Variants in IL1RAPL2 observed in about 807,000 individuals in gnomAD.
The protein encoded by IL1RAPL2 is interleukin 1 receptor accessory protein like 2.
A neutral mutation model predicts 44.1 loss-of-function variants in IL1RAPL2; 3 were observed. That is an observed-to-expected ratio of 0.07 (90% CI 0.03 to 0.18). IL1RAPL2 has a LOEUF of 0.18. IL1RAPL2 is among the 10% of genes least tolerant of loss of function. IL1RAPL2 has a pLI of 1.00. For missense variants in IL1RAPL2, 391 were observed against 496.4 expected (o/e 0.79, Z 2.02); for synonymous variants, 181 against 178.8 (o/e 1.01, Z -0.10).
At chrX:104,954,659 C>G (rs1038044230) in intron 2 of IL1RAPL2, among the ~76,000 whole-genome samples, 8 of 111,949 alleles carry the variant, frequency 7.1e-5, no homozygotes, top group African/African-American at 2.0e-4. Context: ...GCTTCAGCCT[C>G]GCAAGTAGCT....
chrX:104,769,299 A>C (rs1932605446), intron 2 of IL1RAPL2, among the ~76,000 whole-genome samples: 1 of 111,566 alleles, frequency 9.0e-6, no homozygotes, highest in Non-Finnish European at 1.9e-5. Context: ...TGAAGATGAC[A>C]CTGGCCATTG....
At chrX:105,135,816 G>T (rs2033071940) in intron 2 of IL1RAPL2, among the ~76,000 whole-genome samples, 1 of 107,017 alleles carries the variant, frequency 9.3e-6, no homozygotes. Flanking sequence ...ATCCCCCAAA[G>T]ACAACTGCCT....
At chrX:105,389,489 G>A (rs1205116045) in intron 5 of IL1RAPL2, among the ~76,000 whole-genome samples, 1 of 112,056 alleles carries the variant, frequency 8.9e-6, no homozygotes, top group East Asian at 2.8e-4. Flanking sequence ...GTTAGGAGTT[G>A]TGAATGTTTT....
chrX:104,910,255 G>A (rs1010063148), intron 2 of IL1RAPL2, among the ~76,000 whole-genome samples: 2 of 111,796 alleles, frequency 1.8e-5, no homozygotes, highest in Non-Finnish European at 3.8e-5. Flanking sequence ...CCACTGTCTG[G>A]CACTCTCTTG....
chrX:104,895,148 C>G (rs780036377), intron 2 of IL1RAPL2, among the ~76,000 whole-genome samples: 64 of 77,062 alleles, frequency 8.3e-4, no homozygotes, highest in Non-Finnish European at 1.3e-3. Flanking sequence ...CCTCTGGAAG[C>G]TTCATCTCAG....
At chrX:105,435,156 C>G (rs1028964816) in intron 5 of IL1RAPL2, among the ~76,000 whole-genome samples, 16 of 111,619 alleles carry the variant, frequency 1.4e-4, no homozygotes, top group Non-Finnish European at 2.6e-4. Context: ...GATGCTCCAG[C>G]TTTGTTCTTT....
chrX:105,659,823 A>G (rs1417451456), intron 6 of IL1RAPL2, among the ~76,000 whole-genome samples: 1 of 109,918 alleles, frequency 9.1e-6, no homozygotes, highest in Non-Finnish European at 1.9e-5. Flanking sequence ...TCGAAAATAA[A>G]TACTCAAAGG....
intron 2 of IL1RAPL2, among the ~76,000 whole-genome samples, chrX:104,827,709 C>T (rs1399837243): frequency 8.9e-6 from 1 of 111,911 alleles, no homozygotes; most frequent in African/African-American, 3.2e-5. Context: ...GGATAATATC[C>T]TGAAGTGTGT....
chrX:105,704,468 T>C (rs2038146294), intron 6 of IL1RAPL2, among the ~76,000 whole-genome samples: 2 of 111,664 alleles, frequency 1.8e-5, no homozygotes, highest in African/African-American at 6.5e-5. Context: ...TCAAGCAAAT[T>C]GCTTATATTT....
intron 2 of IL1RAPL2, among the ~76,000 whole-genome samples, chrX:104,823,806 C>G (rs1233575106): frequency 1.8e-5 from 2 of 112,099 alleles, no homozygotes; most frequent in Non-Finnish European, 3.8e-5. Context: ...ATGGTGTTTT[C>G]TAAATATACA....
chrX:104,786,970 TCTCTCTCTCTCTC>T (rs1932802509), intron 2 of IL1RAPL2, among the ~76,000 whole-genome samples: 2 of 73,594 alleles, frequency 2.7e-5, no homozygotes, highest in Non-Finnish European at 5.6e-5. Context: ...TCTCTCTCTC[TCTCTCTCTCTCTC>T]GTATCCCTAT....
chrX:104,844,299 AG>A (rs1372257375), intron 2 of IL1RAPL2, among the ~76,000 whole-genome samples: 1 of 111,675 alleles, frequency 9.0e-6, no homozygotes, highest in Non-Finnish European at 1.9e-5. Context: ...ATAATCAATT[AG>A]GTCAACCTTT....
intron 6 of IL1RAPL2, among the ~76,000 whole-genome samples, chrX:105,566,887 G>C (rs947627732): frequency 2.7e-5 from 3 of 110,262 alleles, no homozygotes; most frequent in African/African-American, 9.9e-5. Context: ...GAAGGGAGGG[G>C]CCAGGATTAG....
intron 2 of IL1RAPL2, among the ~76,000 whole-genome samples, chrX:104,720,126 C>T (rs1376842218): frequency 9.0e-6 from 1 of 111,723 alleles, no homozygotes; most frequent in Non-Finnish European, 1.9e-5. Flanking sequence ...TTCCATTATG[C>T]TATGCTTATT....
intron 6 of IL1RAPL2, among the ~76,000 whole-genome samples, chrX:105,515,512 T>TA (rs199929314): frequency 7.3e-4 from 79 of 107,861 alleles, no homozygotes; most frequent in African/African-American, 2.3e-3. Context: ...ACTTAGACCT[T>TA]AAAAAAAAAA....
intron 2 of IL1RAPL2, among the ~76,000 whole-genome samples, chrX:105,022,901 G>C (rs1199477965): frequency 2.7e-5 from 3 of 110,852 alleles, no homozygotes; most frequent in Non-Finnish European, 5.7e-5. Flanking sequence ...GTTTAAGATC[G>C]GAAGATTCTA....
intron 6 of IL1RAPL2, among the ~76,000 whole-genome samples, chrX:105,643,831 C>T (rs2037585632): frequency 8.9e-6 from 1 of 112,147 alleles, no homozygotes; most frequent in South Asian, 3.7e-4. Context: ...TTGTCTGTCT[C>T]ATATTGACAT....
chrX:105,072,958 CATGTCCCTGCAAAGGTG>C (rs745687068), intron 2 of IL1RAPL2, among the ~76,000 whole-genome samples: 112 of 110,724 alleles, frequency 1.0e-3, no homozygotes, highest in Middle Eastern at 4.2e-3. Context: ...CAGCTTCATC[CATGTCCCTGCAAAGGTG>C]ATGAACTCAT....
At chrX:105,264,664 C>T (rs747086230) in intron 4 of IL1RAPL2, among the ~76,000 whole-genome samples, 8 of 111,766 alleles carry the variant, frequency 7.2e-5, no homozygotes, top group African/African-American at 2.3e-4. Context: ...ATGGTGCTGC[C>T]CAACAAGAAT....
Sources: gnomAD v4.1 joint callset for allele counts (sites outside exome capture counted in the v4.1 genomes callset) on GRCh38, gnomAD v4.1.1 for gene constraint, MANE v1.5 for transcripts, NCBI Gene and HGNC (gene_info 2026-07-23, HGNC 2026-07-21) for gene names.